CNTNAP2: variants seen among roughly 807,000 people sequenced by gnomAD.
CNTNAP2 encodes the protein contactin associated protein 2.
Under a neutral mutation model 155.2 loss-of-function variants are expected in CNTNAP2, and 98 were observed. The ratio of observed to expected loss-of-function variants is 0.63; its 90% confidence interval spans 0.54 to 0.75. CNTNAP2 has a LOEUF of 0.75. CNTNAP2 is among the 30% of genes least tolerant of loss of function. The probability of loss-of-function intolerance (pLI) is 0.00; values close to 1 mark genes in which losing one functional copy is unlikely to be tolerated. For missense variants in CNTNAP2, 1,727 were observed against 1,688.1 expected, an observed-to-expected ratio of 1.02 and a Z score of -0.40; for synonymous variants, 651 against 631.2, an observed-to-expected ratio of 1.03 and a Z score of -0.47.
At chr7:147,620,653 TAGTA>T (rs1801376025) in intron 12 of CNTNAP2, among the ~76,000 whole-genome samples, 1 of 151,808 alleles carries the variant, frequency 6.6e-6, no homozygotes, top group South Asian at 2.1e-4. Flanking sequence ...ACAGAAGAAT[TAGTA>T]AGCTTGAAGA....
At chr7:148,270,876 AG>A (rs1341281250) in intron 21 of CNTNAP2, among the ~76,000 whole-genome samples, 4 of 152,250 alleles carry the variant, frequency 2.6e-5, no homozygotes, top group Non-Finnish European at 4.4e-5. Flanking sequence ...CTCAGAGCCT[AG>A]GTTCTCTCCT....
chr7:146,517,547 T>G (rs1797558866), intron 1 of CNTNAP2, among the ~76,000 whole-genome samples: 1 of 151,934 alleles, frequency 6.6e-6, no homozygotes, highest in African/African-American at 2.4e-5. Flanking sequence ...GATAAGAAGG[T>G]TGACATAGCA....
intron 10 of CNTNAP2, among the ~76,000 whole-genome samples, chr7:147,398,694 T>C (rs1796863693): frequency 7.0e-6 from 1 of 143,322 alleles, no homozygotes; most frequent in Non-Finnish European, 1.5e-5. Flanking sequence ...AAAGCAAGCT[T>C]GCCAAGCTAC....
chr7:147,903,806 A>T (rs1471399160), intron 14 of CNTNAP2, 85 bp downstream of exon 14: 4 of 1,507,766 alleles, frequency 2.7e-6, no homozygotes, highest in Non-Finnish European at 3.6e-6. Flanking sequence ...AAGTTTGAAA[A>T]GTGCTATAAT....
At chr7:147,341,437 A>G (rs55927019) in intron 9 of CNTNAP2, among the ~76,000 whole-genome samples, 2 of 8,242 alleles carry the variant, frequency 2.4e-4, no homozygotes, top group African/African-American at 5.3e-3. Flanking sequence ...TAAAGTATAA[A>G]AAAAAAATTT....
At chr7:147,895,511 A>G (rs762060986) in intron 13 of CNTNAP2, among the ~76,000 whole-genome samples, 2 of 152,238 alleles carry the variant, frequency 1.3e-5, no homozygotes, top group Non-Finnish European at 2.9e-5. Context: ...GCCATTCATC[A>G]TTACCTAACC....
chr7:146,704,053 ACT>A (rs1800921868), intron 1 of CNTNAP2, among the ~76,000 whole-genome samples: 1 of 152,116 alleles, frequency 6.6e-6, no homozygotes, highest in African/African-American at 2.4e-5. Flanking sequence ...TTTTAAATAG[ACT>A]CTGAACAAAT....
rs115246256 is a variant in CNTNAP2, at chr7:146,373,394, A to T, written c.97+256421A>T. Among the ~76,000 whole-genome samples the T allele has an allele frequency of 2.2e-3, 316 of 141,170 alleles. 2 individuals carry two copies. The highest frequency in any genetic ancestry group is 9.6e-3 in the African/African-American group (305 of 31,776). The allele number at this position is 141,170 out of a possible 152,430, so 92.6% of individuals were successfully genotyped here. Reference sequence around the variant, plus strand: ...TAACTATACACAGAAAAATAAAAGGAACTTAACACATACACACACACACAC... The same window carrying T: ...TAACTATACACAGAAAAATAAAAGGTACTTAACACATACACACACACACAC... On this transcript the variant is annotated intron_variant, in intron 1 of 23. Coordinates refer to ENST00000361727, the MANE Select transcript of CNTNAP2 (RefSeq NM_014141.6).
At chr7:146,311,536 G>A (rs114273832) in intron 1 of CNTNAP2, among the ~76,000 whole-genome samples, 4,321 of 149,032 alleles carry the variant, frequency 0.029, 94 homozygotes, top group African/African-American at 0.061. Flanking sequence ...CTTGGGAAGC[G>A]GAGGCTGGAG....
chr7:148,004,394 T>C (rs895697181), intron 15 of CNTNAP2, among the ~76,000 whole-genome samples: 6 of 152,190 alleles, frequency 3.9e-5, no homozygotes, highest in Non-Finnish European at 7.4e-5. Context: ...AGAATTAAAA[T>C]AGCCTTTTAA....
intron 14 of CNTNAP2, among the ~76,000 whole-genome samples, chr7:147,963,306 A>T (rs17170758): frequency 6.6e-6 from 1 of 152,190 alleles, no homozygotes; most frequent in East Asian, 1.9e-4. Context: ...TATGTCAACC[A>T]TAACTGTATT....
chr7:146,934,007 T>C, intron 3 of CNTNAP2, among the ~76,000 whole-genome samples: 1 of 152,114 alleles, frequency 6.6e-6, no homozygotes, highest in Non-Finnish European at 1.5e-5. Flanking sequence ...TGTAAACTAG[T>C]TCAACCCTTG....
chr7:147,361,715 T>G (rs976469924), intron 9 of CNTNAP2, among the ~76,000 whole-genome samples: 1 of 151,982 alleles, frequency 6.6e-6, no homozygotes, highest in African/African-American at 2.4e-5. Flanking sequence ...ATTTTGTCTG[T>G]TTTTTTTAAC....
At chr7:146,393,151 C>G (rs981904695) in intron 1 of CNTNAP2, among the ~76,000 whole-genome samples, 4 of 152,148 alleles carry the variant, frequency 2.6e-5, no homozygotes, top group Non-Finnish European at 1.5e-5. Context: ...TGGTTTATGT[C>G]AAATACTTAG....
At chr7:147,940,119 A>T (rs901496230) in intron 14 of CNTNAP2, 1 of 151,974 alleles carries the variant, frequency 6.6e-6, no homozygotes, top group African/African-American at 2.4e-5. Flanking sequence ...GGGTAGTCGC[A>T]CTAAGTTTGG....
At chr7:146,722,408 G>T (rs1240547102) in intron 1 of CNTNAP2, among the ~76,000 whole-genome samples, 2 of 152,108 alleles carry the variant, frequency 1.3e-5, no homozygotes, top group Non-Finnish European at 2.9e-5. Context: ...TGTCTAACAT[G>T]TTGTAGTAGT....
intron 4 of CNTNAP2, among the ~76,000 whole-genome samples, chr7:147,077,213 C>A (rs1431227283): frequency 6.6e-6 from 1 of 151,982 alleles, no homozygotes; most frequent in African/African-American, 2.4e-5. Context: ...TTTACTAAAA[C>A]AAATTTATTA....
intron 1 of CNTNAP2, among the ~76,000 whole-genome samples, chr7:146,694,414 A>G (rs1800748655): frequency 6.6e-6 from 1 of 152,098 alleles, no homozygotes; most frequent in Admixed American, 6.6e-5. Flanking sequence ...TATTGATTAT[A>G]TTTGTGTGGG....
At chr7:148,348,818 ACTAC>A (rs555881800) in intron 21 of CNTNAP2, among the ~76,000 whole-genome samples, 29 of 152,352 alleles carry the variant, frequency 1.9e-4, no homozygotes, top group African/African-American at 7.0e-4. Context: ...GGGCAGATTC[ACTAC>A]CTAATCGGAT....
Sources: allele counts gnomAD v4.1 joint callset (sites outside exome capture counted in the v4.1 genomes callset), GRCh38; gene constraint gnomAD v4.1.1; transcripts MANE v1.5; gene names NCBI Gene and HGNC (gene_info 2026-07-23, HGNC 2026-07-21).